The following QRICH2 variants were observed in gnomAD, a reference collection of about 807,000 sequenced individuals.
The protein encoded by QRICH2 is glutamine rich 2.
In QRICH2, 119 loss-of-function variants were observed where a neutral mutation model predicts 168.3. That is an observed-to-expected ratio of 0.71 (90% CI 0.61 to 0.82). The LOEUF is 0.82. Among genes scored for constraint, QRICH2 ranks in the 40% least tolerant of loss-of-function variants. The pLI, the probability that QRICH2 is intolerant of heterozygous loss-of-function variation, is 0.00. For missense variants in QRICH2, 2,241 were observed against 2,491.6 expected, an observed-to-expected ratio of 0.90 and a Z score of 2.14; for synonymous variants, 894 against 951.2, an observed-to-expected ratio of 0.94 and a Z score of 1.11.
At chr17:76,287,686 G>A (rs2143248030) in intron 6 of QRICH2, 114 bp downstream of exon 6, 3 of 780,658 alleles carry the variant, frequency 3.8e-6, no homozygotes, top group Non-Finnish European at 4.5e-6. Context: ...ACACAATCCA[G>A]GTCAAAGACA....
At chr17:76,286,100 G>A (rs4789270) in intron 7 of QRICH2, among the ~76,000 whole-genome samples, 58,916 of 151,588 alleles carry the variant, frequency 0.39, 12,753 homozygotes, top group African/African-American at 0.59. Context: ...GCAGGAACCC[G>A]GGAGGCAGAG....
At chr17:76,277,360 C>A in intron 15 of QRICH2, 50 bp from the exon 16 acceptor site, 1 of 1,585,588 alleles carries the variant, frequency 6.3e-7, no homozygotes, top group South Asian at 1.1e-5. Context: ...CCAGGGATGT[C>A]ACCTGGGACT....
upstream of QRICH2, chr17:76,310,945 T>C (rs2071064838): frequency 6.6e-6 from 1 of 152,192 alleles, no homozygotes; most frequent in African/African-American, 2.4e-5. Flanking sequence ...CAACAAATTA[T>C]TTTATTTGCA....
intron 5 of QRICH2, among the ~76,000 whole-genome samples, chr17:76,289,361 AT>A (rs1386378901): frequency 1.3e-5 from 2 of 151,764 alleles, no homozygotes; most frequent in East Asian, 2.0e-4. Context: ...TAATTTTTAA[AT>A]TTTTTGTAGA....
In QRICH2 at chr17:76,293,913, C is replaced by G. The variant is rs752327002; in HGVS notation, c.814G>C (p.Ala272Pro). The G allele has an allele frequency of 4.3e-6, 7 of 1,614,016 alleles. No homozygotes were observed. Among genetic ancestry groups the G allele is most frequent in the African/African-American group, 1.3e-5 (1 of 74,914 alleles). The change falls in exon 4 of 19, where the codon GCT (alanine) becomes CCT (proline). Residue 272 changes from alanine (A) to proline (P), a missense_variant. Ala to Pro is a conservative substitution (Grantham distance 27). Coordinates refer to ENST00000680821, the MANE Select transcript of QRICH2 (RefSeq NM_001388453.1). ...DSTKQPSIEQ[A>P]LDSASGLGPD... ...CCAAGACCACTGGCAGAATCCAGAG[C>G]CTGCTCAATACTTGGTTGCTTGGTA...
At chr17:76,297,896 T>TTTTTTTTTTTTTTTA (rs1295055215) in intron 3 of QRICH2, among the ~76,000 whole-genome samples, 1 of 111,084 alleles carries the variant, frequency 9.0e-6, no homozygotes, top group African/African-American at 4.6e-5. Flanking sequence ...TTTTTTTTTT[T>TTTTTTTTTTTTTTTA]GAGACAGAGT....
In QRICH2 at chr17:76,280,900, G is replaced by C. The variant is rs371675588; in HGVS notation, c.4317C>G (p.Asp1439Glu). 2.5e-5 allele frequency: 40 copies of C among 1,612,996 alleles called. No homozygotes were observed. The highest frequency in any genetic ancestry group is 1.5e-4 in the African/African-American group (11 of 74,912). Residue 1439 changes from aspartate (D) to glutamate (E), a missense_variant, in exon 9 of 19, where the codon GAC becomes GAG. Physicochemically the swap from Asp to Glu is conservative, Grantham distance 45. Coordinates refer to ENST00000680821, the MANE Select transcript of QRICH2 (RefSeq NM_001388453.1). This position sits in a 1 kb window ranked among gnomAD's most constrained non-coding sequence, Gnocchi z 7.4. ...VQSAILQVQGDCEKLNITTSN... is the reference protein window; with the variant it reads ...VQSAILQVQGECEKLNITTSN... ...TGGTGGTGATGTTGAGCTTCTCGCA[G>C]TCACCCTGCACCTGCAGGATGGCAC...
intron 3 of QRICH2, among the ~76,000 whole-genome samples, chr17:76,295,576 GA>G (rs2070782311): frequency 6.6e-6 from 1 of 152,154 alleles, no homozygotes; most frequent in Non-Finnish European, 1.5e-5. Context: ...CCAAAAGGCA[GA>G]GGATGCAGTG....
rs559578293 is a variant in QRICH2 at position 76,281,776 on chromosome 17, G to A, written c.4263+88C>T. On this transcript the variant is annotated intron_variant, in intron 8 of 18. Transcript: ENST00000680821. The surrounding 1 kb of genome is among the most constrained non-coding windows in gnomAD (Gnocchi z 4.4). Reference sequence around the variant, plus strand: ...AGCTGACCTTGAGGCCCAAACACCCGCCCCACTTCTGTGGGTCTGCAGCAG... The same window carrying A: ...AGCTGACCTTGAGGCCCAAACACCCACCCCACTTCTGTGGGTCTGCAGCAG... 14 of 1,530,352 alleles carry A rather than the reference G, an allele frequency of 9.1e-6. No homozygotes were observed. Among genetic ancestry groups the A allele is most frequent in the South Asian group, 4.8e-5 (4 of 83,516 alleles). 94.8% of individuals were successfully genotyped at this position (1,530,352 alleles called of 1,614,324 possible). A position where few individuals can be genotyped will look rare whatever the true frequency, so the allele number is the denominator to read the frequency against.
chr17:76,277,411 T>A, intron 15 of QRICH2, 101 bp from the exon 16 acceptor site: 1 of 1,381,918 alleles, frequency 7.2e-7, no homozygotes, highest in Non-Finnish European at 9.9e-7. Context: ...GGGCACAGCT[T>A]CTCTTCGGGG....
chr17:76,282,136 A>G lies in QRICH2; in HGVS notation c.4012-21T>C, dbSNP rs1301190608. ...TCCAACTGCGTGCAGGAGAGACGGC[A>G]GCAGCAGGGCAGTGAGGCCAGTCAC... is the stretch of plus-strand genomic sequence containing the variant. On this transcript the variant is annotated intron_variant, in intron 7 of 18. Transcript: ENST00000680821. The G allele has an allele frequency of 3.8e-6, 6 of 1,586,398 alleles. No individual in the cohort carries two copies. The Admixed American group carries it at 1.0e-4, about 27-fold the overall frequency.
At position 76,280,015 on chromosome 17, in the gene QRICH2, C is replaced by G. The variant is rs111903303; in HGVS notation, c.4748+18G>C. On this transcript the variant is annotated intron_variant, in intron 12 of 18. Transcript: ENST00000680821. The surrounding 1 kb of genome is among the most constrained non-coding windows in gnomAD (Gnocchi z 7.4). Reference sequence around the variant, plus strand: ...CTGAAGAGCGTGCCAGCCTCCTCCCCTGCCTCCCAGGCCTCACCTCCGCAT... The same window carrying G: ...CTGAAGAGCGTGCCAGCCTCCTCCCGTGCCTCCCAGGCCTCACCTCCGCAT... 97 of 1,592,992 alleles carry G rather than the reference C, an allele frequency of 6.1e-5. No individual in the cohort carries two copies. In the African/African-American group the frequency reaches 9.0e-4, roughly 15 times the overall value.
chr17:76,284,427 A>G (rs1424482872), intron 7 of QRICH2, among the ~76,000 whole-genome samples: 3 of 143,312 alleles, frequency 2.1e-5, no homozygotes, highest in African/African-American at 6.0e-5. Context: ...TGTAGCATCC[A>G]GAACATGTAA....
rs1000508785 is a variant in QRICH2, at chr17:76,305,042, C to A, written c.535-101G>T. 5 of 822,756 alleles carry A rather than the reference C, an allele frequency of 6.1e-6. No homozygotes were observed. In the African/African-American group the frequency reaches 8.4e-5, roughly 14 times the overall value. The allele number at this position is 822,756 out of a possible 1,614,324, so 51.0% of individuals were successfully genotyped here. A position where few individuals can be genotyped will look rare whatever the true frequency, so the allele number is the denominator to read the frequency against. ...GCGCACACACACTCTCACACTCAGACACACACATGCATACACGCACATTCA... is the reference window on the plus strand; with the variant it reads ...GCGCACACACACTCTCACACTCAGAAACACACATGCATACACGCACATTCA... On this transcript the variant is annotated intron_variant, in intron 1 of 18. Transcript: ENST00000680821.
At chr17:76,285,586 A>C (rs1598484578) in intron 7 of QRICH2, among the ~76,000 whole-genome samples, 2 of 150,762 alleles carry the variant, frequency 1.3e-5, no homozygotes, top group South Asian at 4.3e-4. Context: ...AAACTTATAC[A>C]TGAGGCCAGG....
rs368053727 is a variant in QRICH2, at chr17:76,307,536, C to T, written c.463G>A (p.Val155Met). The change falls in exon 1 of 19, where the codon GTG becomes ATG. Residue 155 changes from valine to methionine, a missense_variant. Coordinates refer to ENST00000680821, the MANE Select transcript of QRICH2 (RefSeq NM_001388453.1). The surrounding 1 kb of genome is among the most constrained non-coding windows in gnomAD (Gnocchi z 5.3). ...LEWPEEQEVG[V>M]RAFDRVRTGS... ...GTCCGCACCCTATCGAACGCCCGCA[C>T]GCCCACCTCCTGCTCCTCCGGCCAC... 6.2e-7 allele frequency: 1 copy of T among 1,601,386 alleles called. No homozygotes were observed. Among genetic ancestry groups the T allele is most frequent in the Non-Finnish European group, 8.5e-7 (1 of 1,174,402 alleles).
chr17:76,297,965 G>C (rs938384475), intron 3 of QRICH2, among the ~76,000 whole-genome samples: 1 of 127,608 alleles, frequency 7.8e-6, no homozygotes. Flanking sequence ...TGAAACCTCC[G>C]CCTCCAAGTT....
intron 5 of QRICH2, among the ~76,000 whole-genome samples, chr17:76,289,194 A>G (rs1484537386): frequency 2.6e-5 from 4 of 152,098 alleles, no homozygotes; most frequent in Admixed American, 2.6e-4. Flanking sequence ...AGTTTTTAAA[A>G]AAAATTTTTT....
At chr17:76,288,598 G>A (rs1421752690) in intron 5 of QRICH2, among the ~76,000 whole-genome samples, 1 of 151,612 alleles carries the variant, frequency 6.6e-6, no homozygotes, top group Non-Finnish European at 1.5e-5. Context: ...CCAGCTACTT[G>A]GGAGGCTGAG....
Sources: gnomAD v4.1 joint callset for allele counts (sites outside exome capture counted in the v4.1 genomes callset) on GRCh38, gnomAD v4.1.1 for gene constraint, Gnocchi (gnomAD v3.1) non-coding constraint, MANE v1.5 for transcripts, NCBI Gene and HGNC (gene_info 2026-07-23, HGNC 2026-07-21) for gene names.